ZRANB3: variants seen among roughly 807,000 people sequenced by gnomAD.
ZRANB3 encodes the protein zinc finger RANBP2-type containing 3.
In ZRANB3, 125 loss-of-function variants were observed where a neutral mutation model predicts 133.8. The observed-to-expected ratio is 0.93, with a 90% CI of 0.81 to 1.08. The LOEUF (loss-of-function observed/expected upper bound fraction) is 1.08, where lower values mean the gene tolerates loss of function less well. Ranked by LOEUF, ZRANB3 falls within the 50% of genes least tolerant of loss-of-function variation. The pLI is 0.00. For missense variants in ZRANB3, 1,229 were observed against 1,275.5 expected (o/e 0.96, Z 0.56); for synonymous variants, 387 against 432.7 (o/e 0.89, Z 1.31).
intron 2 of ZRANB3, among the ~76,000 whole-genome samples, chr2:135,431,616 C>T (rs1689326679): frequency 6.6e-6 from 1 of 152,020 alleles, no homozygotes; most frequent in Admixed American, 6.6e-5. Context: ...AATAAGGAGA[C>T]AGACAATCCA....
At chr2:135,478,812 TTATATA>T in intron 2 of ZRANB3, among the ~76,000 whole-genome samples, 1 of 151,986 alleles carries the variant, frequency 6.6e-6, no homozygotes, top group South Asian at 2.1e-4. Context: ...TTCTTTTGTT[TTATATA>T]TATAAACATA....
chr2:135,493,144 T>C (rs1447123808), intron 2 of ZRANB3, among the ~76,000 whole-genome samples: 1 of 52,080 alleles, frequency 1.9e-5, no homozygotes, highest in African/African-American at 1.2e-4. Context: ...TATATATATA[T>C]ATATATATAT....
chr2:135,256,165 C>A (rs1249260338), intron 12 of ZRANB3, among the ~76,000 whole-genome samples: 2 of 152,058 alleles, frequency 1.3e-5, no homozygotes, highest in African/African-American at 2.4e-5. Context: ...TGCCCATCCT[C>A]TCCTTGAATC....
At position 135,207,775 on chromosome 2, in the gene ZRANB3, G is replaced by T; in HGVS notation, c.2668C>A (p.Leu890Ile). 1 of 1,613,880 alleles carries T rather than the reference G, an allele frequency of 6.2e-7. No individual in the cohort carries two copies. Among genetic ancestry groups the T allele is most frequent in the Non-Finnish European group, 8.5e-7 (1 of 1,179,756 alleles). The change falls in exon 19 of 21, where the codon CTC becomes ATC. Residue 890 changes from leucine (L) to isoleucine (I), a missense_variant. Leu to Ile is a conservative substitution (Grantham distance 5, BLOSUM62 2). Transcript: ENST00000264159. Reference sequence around the variant, plus strand: ...TTGGATGTAGAGGGCTTCACAGTGAGATCTGCCTGGACTGTGTATGGATTT... The same window carrying T: ...TTGGATGTAGAGGGCTTCACAGTGATATCTGCCTGGACTGTGTATGGATTT... ...FLNPYTVQAD[L>I]TVKPSTSKGY...
chr2:135,530,966 G>T (rs1694564703), intron 1 of ZRANB3, among the ~76,000 whole-genome samples, 161 bp downstream of exon 1: 1 of 152,182 alleles, frequency 6.6e-6, no homozygotes, highest in Non-Finnish European at 1.5e-5. Context: ...CACTGAAGCT[G>T]GAGAAACCAG....
intron 6 of ZRANB3, among the ~76,000 whole-genome samples, chr2:135,329,565 C>A (rs1273192756): frequency 2.0e-5 from 3 of 152,102 alleles, no homozygotes; most frequent in Admixed American, 1.3e-4. Context: ...TCCATATGAA[C>A]TTTAAAGTAG....
At chr2:135,390,444 A>G (rs1687172871) in intron 3 of ZRANB3, among the ~76,000 whole-genome samples, 1 of 152,236 alleles carries the variant, frequency 6.6e-6, no homozygotes, top group African/African-American at 2.4e-5. Flanking sequence ...ACAATAAACA[A>G]TAACCTTTAG....
At chr2:135,356,025 A>G (rs143744706) in intron 3 of ZRANB3, among the ~76,000 whole-genome samples, 1 of 152,226 alleles carries the variant, frequency 6.6e-6, no homozygotes, top group East Asian at 1.9e-4. Context: ...ATGACTAACA[A>G]TGTTCTGTGT....
chr2:135,488,523 A>T (rs1276513692), intron 2 of ZRANB3, among the ~76,000 whole-genome samples: 1 of 150,826 alleles, frequency 6.6e-6, no homozygotes, highest in East Asian at 1.9e-4. Context: ...TATAGCATAT[A>T]TATTTGATTA....
chr2:135,488,891 T>G (rs981604842), intron 2 of ZRANB3, among the ~76,000 whole-genome samples: 5 of 149,560 alleles, frequency 3.3e-5, no homozygotes, highest in African/African-American at 1.3e-4. Flanking sequence ...GCATACTATA[T>G]CTGATTATAC....
At chr2:135,530,945 C>G (rs1694560275) in intron 1 of ZRANB3, among the ~76,000 whole-genome samples, 182 bp downstream of exon 1, 1 of 152,170 alleles carries the variant, frequency 6.6e-6, no homozygotes, top group Non-Finnish European at 1.5e-5. Flanking sequence ...AGCAATCACC[C>G]CGCCCTCCGC....
chr2:135,414,215 C>A (rs1048807545), intron 2 of ZRANB3, among the ~76,000 whole-genome samples: 5 of 151,990 alleles, frequency 3.3e-5, no homozygotes, highest in Non-Finnish European at 7.4e-5. Flanking sequence ...ACCCATCTCA[C>A]GTGCAGAGAC....
rs150876787 is a variant in ZRANB3 at position 135,328,455 on chromosome 2, T to A, written c.678-12925A>T. On this transcript the variant is annotated intron_variant, in intron 6 of 20. Coordinates refer to ENST00000264159, the MANE Select transcript of ZRANB3 (RefSeq NM_032143.4). ...TATGTACCACATTTTCTTAATCCAGTCTATCATTGATGGACATTTGGTTTG... is the reference window on the plus strand; with the variant it reads ...TATGTACCACATTTTCTTAATCCAGACTATCATTGATGGACATTTGGTTTG... 3.0e-3 allele frequency among the ~76,000 whole-genome samples: 452 copies of A among 152,274 alleles called. 3 individuals carry two copies. The highest frequency in any genetic ancestry group is 0.01 in the African/African-American group (421 of 41,552).
chr2:135,219,869 C>A (rs1405016603), intron 15 of ZRANB3, among the ~76,000 whole-genome samples: 1 of 151,572 alleles, frequency 6.6e-6, no homozygotes, highest in Non-Finnish European at 1.5e-5. Flanking sequence ...ATCCTGAAAT[C>A]TTTTTTTTCC....
chr2:135,249,028 G>A (rs1402352374), intron 12 of ZRANB3, among the ~76,000 whole-genome samples: 1 of 152,148 alleles, frequency 6.6e-6, no homozygotes, highest in Non-Finnish European at 1.5e-5. Context: ...CTAGAGAAAT[G>A]CAAATCAAAA....
intron 2 of ZRANB3, among the ~76,000 whole-genome samples, chr2:135,440,538 TAA>T (rs1364621371): frequency 6.6e-6 from 1 of 152,088 alleles, no homozygotes; most frequent in Non-Finnish European, 1.5e-5. Flanking sequence ...GCCTATATGG[TAA>T]GAAATGTGGA....
chr2:135,293,961 G>A (rs1198103365), intron 8 of ZRANB3, among the ~76,000 whole-genome samples: 2 of 151,752 alleles, frequency 1.3e-5, no homozygotes, highest in African/African-American at 4.8e-5. Context: ...TGATCATGGT[G>A]GATAAGCTTT....
At chr2:135,253,247 G>C (rs1452540758) in intron 12 of ZRANB3, among the ~76,000 whole-genome samples, 3 of 152,202 alleles carry the variant, frequency 2.0e-5, no homozygotes, top group Non-Finnish European at 4.4e-5. Context: ...ACGCAGGCTT[G>C]TTTGCTGTGC....
At chr2:135,404,384 G>A (rs917321148) in intron 2 of ZRANB3, among the ~76,000 whole-genome samples, 3 of 152,176 alleles carry the variant, frequency 2.0e-5, no homozygotes, top group African/African-American at 7.2e-5. Flanking sequence ...AATGAAGCGA[G>A]AAGAGAAGTT....
Sources: allele counts gnomAD v4.1 joint callset (sites outside exome capture counted in the v4.1 genomes callset), GRCh38; gene constraint gnomAD v4.1.1; transcripts MANE v1.5; gene names NCBI Gene and HGNC (gene_info 2026-07-23, HGNC 2026-07-21).